Variants in MMP16 observed in about 807,000 individuals in gnomAD.
The protein encoded by MMP16 is matrix metallopeptidase 16, also known as matrix metalloproteinase-16.
MMP16 carries 12 observed loss-of-function variants against 67.8 expected under a neutral mutation model. That is an observed-to-expected ratio of 0.18 (90% CI 0.11 to 0.29). The LOEUF (loss-of-function observed/expected upper bound fraction) is 0.29, where lower values mean the gene tolerates loss of function less well. MMP16 is among the 10% of genes least tolerant of loss of function. The pLI, the probability that MMP16 is intolerant of heterozygous loss-of-function variation, is 1.00. For missense variants in MMP16, 475 were observed against 765.7 expected (o/e 0.62, Z 4.48); for synonymous variants, 249 against 255.9 (o/e 0.97, Z 0.26).
At chr8:88,266,934 G>A (rs898306853) in intron 1 of MMP16, among the ~76,000 whole-genome samples, 1 of 152,122 alleles carries the variant, frequency 6.6e-6, no homozygotes, top group Non-Finnish European at 1.5e-5. Flanking sequence ...CACATGAGTT[G>A]AGAATCTATT....
chr8:88,159,473 T>C (rs1808574289), intron 4 of MMP16, among the ~76,000 whole-genome samples: 2 of 152,184 alleles, frequency 1.3e-5, no homozygotes. Context: ...TTGTCTGTTA[T>C]TGGTATATAA....
At chr8:88,283,497 A>G (rs1406903546) in intron 1 of MMP16, among the ~76,000 whole-genome samples, 1 of 152,164 alleles carries the variant, frequency 6.6e-6, no homozygotes, top group Non-Finnish European at 1.5e-5. Flanking sequence ...CGATAGGCAT[A>G]ATGTGGTTAG....
At chr8:88,268,070 C>T (rs1281149946) in intron 1 of MMP16, among the ~76,000 whole-genome samples, 4 of 152,174 alleles carry the variant, frequency 2.6e-5, no homozygotes, top group Non-Finnish European at 5.9e-5. Context: ...AGGCCGGGAG[C>T]GGTGGCTCGT....
intron 1 of MMP16, among the ~76,000 whole-genome samples, chr8:88,249,892 A>G (rs1460599136): frequency 6.6e-6 from 1 of 152,136 alleles, no homozygotes; most frequent in Non-Finnish European, 1.5e-5. Flanking sequence ...GGCCAAGTTT[A>G]AAATTTTGCC....
At chr8:88,143,586 A>G (rs1288735063) in intron 4 of MMP16, among the ~76,000 whole-genome samples, 1 of 152,100 alleles carries the variant, frequency 6.6e-6, no homozygotes, top group Non-Finnish European at 1.5e-5. Context: ...AACGTGCTAT[A>G]TATCTTGCAT....
chr8:88,064,311 G>C (rs1284155006), intron 7 of MMP16, among the ~76,000 whole-genome samples: 1 of 151,950 alleles, frequency 6.6e-6, no homozygotes, highest in African/African-American at 2.4e-5. Flanking sequence ...TTGTTTATTG[G>C]GCTGATTACT....
intron 3 of MMP16, among the ~76,000 whole-genome samples, chr8:88,178,243 A>G (rs1808924389): frequency 2.0e-5 from 3 of 152,156 alleles, no homozygotes; most frequent in African/African-American, 7.2e-5. Context: ...CCAGACTCAG[A>G]TATGGCCAAC....
chr8:88,327,027 G>A lies in MMP16; in HGVS notation c.132+48C>T, dbSNP rs774668743. 2.5e-6 allele frequency: 4 copies of A among 1,610,134 alleles called. No individual in the cohort carries two copies. In the South Asian group the frequency reaches 4.4e-5, roughly 18 times the overall value. On this transcript the variant is annotated intron_variant, in intron 1 of 9. Coordinates refer to ENST00000286614, the MANE Select transcript of MMP16 (RefSeq NM_005941.5). Reference sequence around the variant, plus strand: ...CCCAGGAGTGAAGGAAATGTTTCAGGGAGCAGCCCAGGCAGCGGGGGGAGG... The same window carrying A: ...CCCAGGAGTGAAGGAAATGTTTCAGAGAGCAGCCCAGGCAGCGGGGGGAGG...
chr8:88,253,277 G>A (rs1281068002), intron 1 of MMP16, among the ~76,000 whole-genome samples: 2 of 151,888 alleles, frequency 1.3e-5, no homozygotes, highest in Non-Finnish European at 2.9e-5. Flanking sequence ...TTATCCTAGG[G>A]GTAGAACATA....
intron 4 of MMP16, among the ~76,000 whole-genome samples, chr8:88,148,842 G>C (rs1808341166): frequency 6.6e-6 from 1 of 152,162 alleles, no homozygotes. Flanking sequence ...AGAAATACGT[G>C]TATTATGGGG....
chr8:88,238,449 G>A (rs1254033542), intron 1 of MMP16, among the ~76,000 whole-genome samples: 5 of 151,156 alleles, frequency 3.3e-5, no homozygotes, highest in Admixed American at 6.6e-5. Flanking sequence ...TTTGAGGTCA[G>A]GAGTTTGAGA....
intron 1 of MMP16, among the ~76,000 whole-genome samples, chr8:88,237,441 A>C (rs907445166): frequency 6.6e-6 from 1 of 152,066 alleles, no homozygotes; most frequent in Non-Finnish European, 1.5e-5. Context: ...CAAGGTCAGG[A>C]GACTGAGACC....
At chr8:88,230,624 A>T (rs1325031187) in intron 1 of MMP16, among the ~76,000 whole-genome samples, 2 of 152,008 alleles carry the variant, frequency 1.3e-5, no homozygotes, top group African/African-American at 4.8e-5. Flanking sequence ...TTGATACATA[A>T]CATGCCATTT....
chr8:88,294,266 ATATC>A (rs770533511), intron 1 of MMP16, among the ~76,000 whole-genome samples: 3 of 148,210 alleles, frequency 2.0e-5, no homozygotes, highest in South Asian at 2.1e-4. Flanking sequence ...ACATGTGTGT[ATATC>A]TATATATACA....
intron 8 of MMP16, among the ~76,000 whole-genome samples, chr8:88,052,191 G>A (rs977235052): frequency 1.3e-5 from 2 of 151,966 alleles, no homozygotes; most frequent in African/African-American, 4.8e-5. Flanking sequence ...TTCTTCACTT[G>A]GTGTATAAAT....
chr8:88,115,124 G>T (rs1809406497), intron 6 of MMP16, among the ~76,000 whole-genome samples: 1 of 151,988 alleles, frequency 6.6e-6, no homozygotes, highest in South Asian at 2.1e-4. Context: ...CTCAGATAAG[G>T]TTGATGTTTT....
At chr8:88,135,086 T>C (rs1374108266) in intron 4 of MMP16, among the ~76,000 whole-genome samples, 1 of 150,926 alleles carries the variant, frequency 6.6e-6, no homozygotes, top group Non-Finnish European at 1.5e-5. Context: ...ACTTTAAAGC[T>C]CTTTTTATTA....
chr8:88,237,117 T>A (rs561919985), intron 1 of MMP16, among the ~76,000 whole-genome samples: 3 of 152,114 alleles, frequency 2.0e-5, no homozygotes, highest in Non-Finnish European at 2.9e-5. Context: ...TAATTAATAA[T>A]CCTCTTAAAC....
chr8:88,081,962 A>G lies in MMP16; in HGVS notation c.1084-7219T>C, dbSNP rs534449117. On this transcript the variant is annotated intron_variant, in intron 6 of 9. Coordinates refer to ENST00000286614, the MANE Select transcript of MMP16 (RefSeq NM_005941.5). ...TGGTTGTGACCAATAAATTTGAAAA[A>G]TAAATGTTTTCGAGAACCAACAAGG... Among the ~76,000 whole-genome samples the G allele has an allele frequency of 8.5e-5, 13 of 152,292 alleles. No individual in the cohort carries two copies. The South Asian group carries it at 2.3e-3, about 27-fold the overall frequency.
Sources: gnomAD v4.1 joint callset for allele counts (sites outside exome capture counted in the v4.1 genomes callset) on GRCh38, gnomAD v4.1.1 for gene constraint, MANE v1.5 for transcripts, NCBI Gene and HGNC (gene_info 2026-07-23, HGNC 2026-07-21) for gene names.